Variants in AUTS2 observed in about 807,000 individuals in gnomAD.
AUTS2 encodes the protein autism susceptibility gene 2 protein.
A neutral mutation model predicts 112.4 loss-of-function variants in AUTS2; 17 were observed. That is an observed-to-expected ratio of 0.15 (90% confidence interval 0.10 to 0.23). The LOEUF is 0.23. AUTS2 is among the 10% of genes least tolerant of loss of function. The pLI is 1.00. For synonymous variants in AUTS2, 751 were observed against 702.7 expected (o/e 1.07, Z -1.09); for missense variants, 1,510 against 1,701.6 (o/e 0.89, Z 1.98).
At chr7:69,660,849 G>A (rs1795754932) in intron 1 of AUTS2, among the ~76,000 whole-genome samples, 1 of 152,198 alleles carries the variant, frequency 6.6e-6, no homozygotes, top group African/African-American at 2.4e-5. Flanking sequence ...GCAGGGAATG[G>A]CATGAACCCG....
intron 2 of AUTS2, among the ~76,000 whole-genome samples, chr7:70,044,754 A>T (rs1346737381): frequency 2.0e-5 from 3 of 152,166 alleles, no homozygotes; most frequent in Non-Finnish European, 4.4e-5. Flanking sequence ...TGAGAGAGAA[A>T]ATACAGACTG....
At chr7:70,151,135 C>G (rs774547343) in intron 4 of AUTS2, among the ~76,000 whole-genome samples, 2 of 152,074 alleles carry the variant, frequency 1.3e-5, no homozygotes, top group Non-Finnish European at 2.9e-5. Context: ...AACAAGGTAG[C>G]AAAAATTCAA....
chr7:70,599,072 G>A (rs533920639), intron 5 of AUTS2, among the ~76,000 whole-genome samples: 5 of 152,264 alleles, frequency 3.3e-5, no homozygotes, highest in African/African-American at 1.2e-4. Flanking sequence ...TCTTCCCACC[G>A]TCTTTGGTTC....
chr7:69,772,053 G>C (rs576619086), intron 1 of AUTS2, among the ~76,000 whole-genome samples: 1 of 152,208 alleles, frequency 6.6e-6, no homozygotes, highest in East Asian at 1.9e-4. Flanking sequence ...CCAAAGTGCT[G>C]GGAGTATAGG....
chr7:70,100,995 T>A (rs1584722307), intron 2 of AUTS2, among the ~76,000 whole-genome samples: 3 of 151,976 alleles, frequency 2.0e-5, no homozygotes, highest in Non-Finnish European at 4.4e-5. Context: ...CTCCTGCCTC[T>A]GCCTCCCGAG....
At chr7:70,113,169 G>A (rs984432833) in intron 2 of AUTS2, among the ~76,000 whole-genome samples, 1 of 151,948 alleles carries the variant, frequency 6.6e-6, no homozygotes, top group Non-Finnish European at 1.5e-5. Context: ...TCACAACTTG[G>A]CACTGTACAC....
At chr7:70,515,989 G>A (rs559391172) in intron 5 of AUTS2, among the ~76,000 whole-genome samples, 7 of 152,146 alleles carry the variant, frequency 4.6e-5, no homozygotes, top group Non-Finnish European at 8.8e-5. Flanking sequence ...GGGCCCAAAC[G>A]ATCGTTCACC....
intron 12 of AUTS2, 174 bp downstream of exon 12, chr7:70,774,273 T>C (rs1790547465): frequency 6.4e-6 from 4 of 628,494 alleles, no homozygotes; most frequent in Non-Finnish European, 1.1e-5. Context: ...CAGTCTCTCC[T>C]GCTCACTGCG....
At chr7:70,410,490 C>T (rs1032366915) in intron 4 of AUTS2, among the ~76,000 whole-genome samples, 1 of 151,710 alleles carries the variant, frequency 6.6e-6, no homozygotes, top group Non-Finnish European at 1.5e-5. Flanking sequence ...GCAGTGCAAT[C>T]ACGGCTCACT....
At position 70,444,373 on chromosome 7, in the gene AUTS2, T is replaced by TGTGTGTGTGTGTGTGAGA. The variant is rs372696006; in HGVS notation, c.690+8593_690+8594insTGTGTGTGTGTGTGAGAG. Among the ~76,000 whole-genome samples the TGTGTGTGTGTGTGTGAGA allele has an allele frequency of 6.2e-3, 889 of 142,430 alleles. 9 individuals carry two copies. The highest frequency in any genetic ancestry group is 0.019 in the African/African-American group (706 of 37,166). The allele number at this position is 142,430 out of a possible 152,430, so 93.4% of individuals were successfully genotyped here. A position where few individuals can be genotyped will look rare whatever the true frequency, so the allele number is the denominator to read the frequency against. ...GTGTGTGTGTGTGTGTGTGTGTGTG[T>TGTGTGTGTGTGTGTGAGA]GAGAGAGAGAGAGAGAGAGAAAGAG... On this transcript the variant is annotated intron_variant, in intron 5 of 18. Coordinates refer to ENST00000342771, the MANE Select transcript of AUTS2 (RefSeq NM_015570.4).
chr7:70,218,030 C>T lies in AUTS2; in HGVS notation c.660+83459C>T, dbSNP rs188799913. ...GTAAAGGTCCAGACCCAGATAAAAA[C>T]GAGAGACAGGAAAGATGCAGCAAGA... On this transcript the variant is annotated intron_variant, in intron 4 of 18. Coordinates refer to ENST00000342771, the MANE Select transcript of AUTS2 (RefSeq NM_015570.4). Among the ~76,000 whole-genome samples the T allele has an allele frequency of 7.7e-3, 1,177 of 152,274 alleles. 11 individuals carry two copies. The highest frequency in any genetic ancestry group is 0.013 in the Non-Finnish European group (909 of 68,022).
chr7:70,686,128 T>A (rs1808464743), intron 5 of AUTS2, among the ~76,000 whole-genome samples: 1 of 152,184 alleles, frequency 6.6e-6, no homozygotes, highest in Admixed American at 6.5e-5. Context: ...ATATGTCCTG[T>A]CCCCTTAGGG....
In AUTS2 at chr7:69,715,096, T is replaced by G. The variant is rs78597578; in HGVS notation, c.309+115134T>G. 9.4e-3 allele frequency among the ~76,000 whole-genome samples: 1,436 copies of G among 152,150 alleles called. 11 individuals are homozygous for G. The highest frequency in any genetic ancestry group is 0.013 in the Non-Finnish European group (873 of 67,998). ...TCACCTTTGCAGCCAAGTTTCATTT[T>G]GAGTCAAATCTACCAGAGGAGGTCA... is the stretch of plus-strand genomic sequence containing the variant. On this transcript the variant is annotated intron_variant, in intron 1 of 18. Coordinates refer to ENST00000342771, the MANE Select transcript of AUTS2 (RefSeq NM_015570.4).
intron 2 of AUTS2, among the ~76,000 whole-genome samples, chr7:69,980,527 TGCTTATGTTG>T (rs1173637768): frequency 6.6e-6 from 1 of 152,160 alleles, no homozygotes; most frequent in Non-Finnish European, 1.5e-5. Context: ...GGTAGAATAC[TGCTTATGTTG>T]GCATTATCTT....
chr7:69,782,296 G>A (rs909390613), intron 1 of AUTS2, among the ~76,000 whole-genome samples: 1 of 152,022 alleles, frequency 6.6e-6, no homozygotes, highest in African/African-American at 2.4e-5. Context: ...CTGGGAGATC[G>A]AGGCTGGAGT....
intron 4 of AUTS2, among the ~76,000 whole-genome samples, chr7:70,191,138 T>C (rs1387954086): frequency 6.6e-6 from 1 of 151,694 alleles, no homozygotes; most frequent in Non-Finnish European, 1.5e-5. Flanking sequence ...CATATGATGC[T>C]TTCAAATGTC....
At chr7:70,007,554 G>A (rs1799600702) in intron 2 of AUTS2, among the ~76,000 whole-genome samples, 1 of 152,140 alleles carries the variant, frequency 6.6e-6, no homozygotes, top group Admixed American at 6.5e-5. Context: ...CATTTATTAT[G>A]TGATAGTCAC....
intron 1 of AUTS2, among the ~76,000 whole-genome samples, chr7:69,849,401 A>G (rs374456430): frequency 2.0e-5 from 3 of 152,190 alleles, no homozygotes; most frequent in Non-Finnish European, 4.4e-5. Flanking sequence ...GTATAGCTCT[A>G]TGTCGTTCTT....
intron 2 of AUTS2, among the ~76,000 whole-genome samples, chr7:70,042,938 G>A (rs1801309684): frequency 6.6e-6 from 1 of 151,468 alleles, no homozygotes; most frequent in Non-Finnish European, 1.5e-5. Flanking sequence ...GCATTCTCAC[G>A]GCCCAGTCTA....
Sources: allele counts gnomAD v4.1 joint callset (sites outside exome capture counted in the v4.1 genomes callset), GRCh38; gene constraint gnomAD v4.1.1; transcripts MANE v1.5; gene names NCBI Gene and HGNC (gene_info 2026-07-23, HGNC 2026-07-21).